Variants in EHMT1 observed in about 807,000 individuals in gnomAD.
EHMT1 encodes histone-lysine N-methyltransferase EHMT1.
Under a neutral mutation model 147.2 loss-of-function variants are expected in EHMT1, and 15 were observed. That is an observed-to-expected ratio of 0.10 (90% CI 0.07 to 0.16). The LOEUF (loss-of-function observed/expected upper bound fraction) is 0.16, where lower values mean the gene tolerates loss of function less well. Ranked by LOEUF, EHMT1 falls within the 10% of genes least tolerant of loss-of-function variation. EHMT1 has a pLI of 1.00. For missense variants in EHMT1, 1,587 were observed against 1,772.4 expected, an observed-to-expected ratio of 0.90 and a Z score of 1.88; for synonymous variants, 795 against 709.6, an observed-to-expected ratio of 1.12 and a Z score of -1.91.
chr9:137,780,645 C>T (rs1473218429), intron 14 of EHMT1, among the ~76,000 whole-genome samples: 1 of 69,240 alleles, frequency 1.4e-5, no homozygotes, highest in East Asian at 4.4e-4. Flanking sequence ...GTGGTGATGA[C>T]GGCATCTCAC....
chr9:137,727,031 G>A (rs1946696679), intron 3 of EHMT1, among the ~76,000 whole-genome samples: 1 of 152,138 alleles, frequency 6.6e-6, no homozygotes, highest in Non-Finnish European at 1.5e-5. Flanking sequence ...TGAGTTGTAA[G>A]ACTTTTTCAT....
intron 25 of EHMT1, among the ~76,000 whole-genome samples, chr9:137,833,381 C>G (rs1018277630): frequency 2.0e-5 from 3 of 152,250 alleles, no homozygotes; most frequent in African/African-American, 7.2e-5. Context: ...GCCCAGTGTG[C>G]GCAGCAGGGG....
chr9:137,781,075 G>A lies in EHMT1; in HGVS notation c.2276-1216G>A, dbSNP rs1342291498. Among the ~76,000 whole-genome samples, 41 of 113,478 alleles carry A rather than the reference G, an allele frequency of 3.6e-4. 6 individuals carry two copies. The highest frequency in any genetic ancestry group is 1.4e-3 in the African/African-American group (33 of 23,840). The allele number at this position is 113,478 out of a possible 152,430, so 74.4% of individuals were successfully genotyped here. A position where few individuals can be genotyped will look rare whatever the true frequency, so the allele number is the denominator to read the frequency against. On this transcript the variant is annotated intron_variant, in intron 14 of 26. Coordinates refer to ENST00000460843, the MANE Select transcript of EHMT1 (RefSeq NM_024757.5). ...AGACGTGTGGTGATGACGCCGGGAT[G>A]TGTGGTGATGACGCTGGGATGTGTG...
intron 10 of EHMT1, among the ~76,000 whole-genome samples, chr9:137,766,003 A>G (rs1054312705): frequency 7.2e-5 from 11 of 152,014 alleles, no homozygotes; most frequent in African/African-American, 2.7e-4. Context: ...GCAGTAGCTC[A>G]TGTCTGTAAA....
In EHMT1 at chr9:137,757,948, A is replaced by G. The variant is rs150398744; in HGVS notation, c.1438A>G (p.Met480Val). Residue 480 changes from methionine to valine, a missense_variant, in exon 9 of 27, where the codon ATG (methionine) becomes GTG (valine). By Grantham distance (21) the Met-to-Val change is conservative. Transcript: ENST00000460843. ...GGCACCAGGAGACAGCACAGGGTAC[A>G]TGGAAGTTTCTCTGGACTCCCTGGA... Reference protein sequence around the residue: ...QTAPGDSTGYMEVSLDSLDLR... With the variant: ...QTAPGDSTGYVEVSLDSLDLR... The G allele has an allele frequency of 5.6e-6, 9 of 1,613,964 alleles. No homozygotes were observed. The highest frequency in any genetic ancestry group is 2.7e-5 in the African/African-American group (2 of 74,880).
At chr9:137,704,210 G>A (rs889882450) in intron 1 of EHMT1, among the ~76,000 whole-genome samples, 2 of 152,172 alleles carry the variant, frequency 1.3e-5, no homozygotes, top group South Asian at 2.1e-4. Flanking sequence ...TGAGATTTTG[G>A]TGGGGACACA....
intron 2 of EHMT1, among the ~76,000 whole-genome samples, chr9:137,713,523 G>A (rs28883328): frequency 0.033 from 5,046 of 151,344 alleles, 150 homozygotes; most frequent in Admixed American, 0.087. Flanking sequence ...CACCCGCCTT[G>A]GCCTCCCAAA....
intron 3 of EHMT1, among the ~76,000 whole-genome samples, chr9:137,722,800 TG>T (rs2135665141): frequency 6.6e-6 from 1 of 151,584 alleles, no homozygotes; most frequent in African/African-American, 2.4e-5. Context: ...CCCACGGAGG[TG>T]GTGTGGCAGA....
chr9:137,743,766 G>C (rs1948312148), intron 5 of EHMT1, 136 bp from the exon 6 acceptor site: 1 of 1,203,036 alleles, frequency 8.3e-7, no homozygotes, highest in Admixed American at 2.2e-5. Flanking sequence ...CCAGGTGGCA[G>C]GGGCACCTCT....
intron 1 of EHMT1, among the ~76,000 whole-genome samples, chr9:137,649,596 C>G (rs533536589): frequency 6.6e-6 from 1 of 152,106 alleles, no homozygotes. Context: ...ATGAAGTCGT[C>G]GTAGATTTAG....
intron 1 of EHMT1, among the ~76,000 whole-genome samples, chr9:137,633,185 G>A (rs544576765): frequency 3.3e-5 from 5 of 152,266 alleles, no homozygotes; most frequent in African/African-American, 1.2e-4. Context: ...GGTCAGCTCT[G>A]GGGTGGTTTA....
intron 25 of EHMT1, among the ~76,000 whole-genome samples, chr9:137,829,235 T>A (rs1448906212): frequency 6.6e-6 from 1 of 152,232 alleles, no homozygotes; most frequent in Non-Finnish European, 1.5e-5. Flanking sequence ...CTTACTTAGT[T>A]AAAAAATAGA....
intron 1 of EHMT1, among the ~76,000 whole-genome samples, chr9:137,708,090 T>C (rs529405837): frequency 2.0e-5 from 3 of 152,340 alleles, no homozygotes; most frequent in African/African-American, 7.2e-5. Flanking sequence ...ACATGTAACA[T>C]TTTATTTACA....
In EHMT1 at chr9:137,775,447, A is replaced by AC. The variant is rs2136654577; in HGVS notation, c.1791+200dup. 6.7e-6 allele frequency among the ~76,000 whole-genome samples: 1 copy of AC among 149,004 alleles called. No individual in the cohort carries two copies. The highest frequency in any genetic ancestry group is 2.5e-5 in the African/African-American group (1 of 40,342). On this transcript the variant is annotated intron_variant, in intron 11 of 26. Transcript: ENST00000460843. This position sits in a 1 kb window ranked among gnomAD's most constrained non-coding sequence, Gnocchi z 6.1. ...GAGCCCCAGTGCCTTAGACACCTTCACCCCCAACCCCCATTTCCCTCCTAC... is the reference window on the plus strand; with the variant it reads ...GAGCCCCAGTGCCTTAGACACCTTCACCCCCCAACCCCCATTTCCCTCCTAC...
At chr9:137,774,876 T>G (rs951873672) in intron 10 of EHMT1, among the ~76,000 whole-genome samples, 1 of 152,208 alleles carries the variant, frequency 6.6e-6, no homozygotes, top group Non-Finnish European at 1.5e-5. Context: ...TCCTGCAGTT[T>G]GTGCAGATGA....
chr9:137,769,403 T>A (rs1588617710), intron 10 of EHMT1, among the ~76,000 whole-genome samples: 1 of 152,264 alleles, frequency 6.6e-6, no homozygotes, highest in South Asian at 2.1e-4. Flanking sequence ...AATAACTCTT[T>A]TTTTGGTAGC....
Position 137,635,130 on chromosome 9 carries a change from C to T in EHMT1, c.21+16081C>T, listed in dbSNP as rs11137160. On this transcript the variant is annotated intron_variant, in intron 1 of 26. Coordinates refer to ENST00000460843, the MANE Select transcript of EHMT1 (RefSeq NM_024757.5). Reference sequence around the variant, plus strand: ...GAATATGTAGATCAGTTTAGGATATCGCCATCTTAATAGCAAGTCTTCCAA... The same window carrying T: ...GAATATGTAGATCAGTTTAGGATATTGCCATCTTAATAGCAAGTCTTCCAA... Among the ~76,000 whole-genome samples, 425 of 151,988 alleles carry T rather than the reference C, an allele frequency of 2.8e-3. 1 individual carries two copies. The highest frequency in any genetic ancestry group is 2.5e-3 in the Admixed American group (38 of 15,230).
chr9:137,638,981 T>C (rs1250855160), intron 1 of EHMT1, among the ~76,000 whole-genome samples: 1 of 152,230 alleles, frequency 6.6e-6, no homozygotes, highest in African/African-American at 2.4e-5. Flanking sequence ...TTCGAGACCA[T>C]ACATTTCTAT....
intron 1 of EHMT1, among the ~76,000 whole-genome samples, chr9:137,669,427 C>G (rs866998552): frequency 4.7e-4 from 71 of 149,726 alleles, no homozygotes; most frequent in African/African-American, 1.7e-3. Context: ...CGACTGCACC[C>G]AAGACGCCGC....
Sources: gnomAD v4.1 joint callset for allele counts (sites outside exome capture counted in the v4.1 genomes callset) on GRCh38, gnomAD v4.1.1 for gene constraint, Gnocchi (gnomAD v3.1) non-coding constraint, MANE v1.5 for transcripts, NCBI Gene and HGNC (gene_info 2026-07-23, HGNC 2026-07-21) for gene names.